RBM11: variants seen among roughly 807,000 people sequenced by gnomAD.
RBM11 encodes splicing regulator RBM11.
A neutral mutation model predicts 21.4 loss-of-function variants in RBM11; 18 were observed. The ratio of observed to expected loss-of-function variants is 0.84; its 90% CI spans 0.58 to 1.25. RBM11 has a LOEUF of 1.25. Ranked by LOEUF, RBM11 falls within the 50% of genes most tolerant of loss-of-function variation. The pLI, the probability that RBM11 is intolerant of heterozygous loss-of-function variation, is 0.00. For synonymous variants in RBM11, 120 were observed against 116.3 expected, an observed-to-expected ratio of 1.03 and a Z score of -0.20; for missense variants, 294 against 331.9, an observed-to-expected ratio of 0.89 and a Z score of 0.89.
chr21:14,217,162 A>G (rs781719823), intron 1 of RBM11, among the ~76,000 whole-genome samples: 2 of 152,210 alleles, frequency 1.3e-5, no homozygotes, highest in Non-Finnish European at 2.9e-5. Context: ...GAGCCTGTCA[A>G]TGAATTCCTC....
chr21:14,222,990 G>T (rs925129953), intron 3 of RBM11, among the ~76,000 whole-genome samples: 2 of 152,140 alleles, frequency 1.3e-5, no homozygotes, highest in Non-Finnish European at 2.9e-5. Context: ...AGTGGGAAAA[G>T]GTATCTCTTC....
In RBM11 at chr21:14,219,744, T is replaced by A. The variant is rs766497979; in HGVS notation, c.259+19T>A. On this transcript the variant is annotated intron_variant, in intron 2 of 4. Transcript: ENST00000400577. The stretch of plus-strand genomic sequence containing the variant: ...CGATTTGGTAGGTCCTGTCACTGAT[T>A]AATCTTCAAAGTGTTTTGTGGTTGG... 9.1e-6 allele frequency: 14 copies of A among 1,543,782 alleles called. No homozygotes were observed. Among genetic ancestry groups the A allele is most frequent in the South Asian group, 3.7e-5 (3 of 81,860 alleles).
intron 4 of RBM11, among the ~76,000 whole-genome samples, chr21:14,226,180 TGAA>T: frequency 6.6e-6 from 1 of 152,232 alleles, no homozygotes; most frequent in Non-Finnish European, 1.5e-5. Flanking sequence ...AGACTTCACT[TGAA>T]GAAAAAGTAA....
Position 14,221,147 on chromosome 21 carries a change from A to G in RBM11, c.310A>G (p.Lys104Glu), listed in dbSNP as rs376706318. The change falls in exon 3 of 5, where the codon AAG becomes GAG. Residue 104 changes from lysine (K) to glutamate (E), a missense_variant. Transcript: ENST00000400577. ...TAACCAAAGTTTTGAGAGCTGTGTT[A>G]AGATAAATTCACACAACTACAGGTA... ...PANQSFESCV[K>E]INSHNYRNEE... 69 of 1,573,558 alleles carry G rather than the reference A, an allele frequency of 4.4e-5. No individual in the cohort carries two copies. Among genetic ancestry groups the G allele is most frequent in the Non-Finnish European group, 5.7e-5 (66 of 1,158,464 alleles).
At chr21:14,223,253 T>A (rs776095719) in intron 3 of RBM11, among the ~76,000 whole-genome samples, 5 of 152,224 alleles carry the variant, frequency 3.3e-5, no homozygotes, top group Non-Finnish European at 4.4e-5. Flanking sequence ...AAATGGGTTA[T>A]CATGTCCCCA....
At chr21:14,224,803 T>C (rs2123408151) in intron 4 of RBM11, among the ~76,000 whole-genome samples, 1 of 152,226 alleles carries the variant, frequency 6.6e-6, no homozygotes, top group Non-Finnish European at 1.5e-5. Flanking sequence ...AGTAGAGAGT[T>C]CTAATGTAAA....
chr21:14,222,101 CTTT>C, intron 3 of RBM11, among the ~76,000 whole-genome samples: 1 of 151,810 alleles, frequency 6.6e-6, no homozygotes, highest in South Asian at 2.1e-4. Context: ...TGCATTTCTT[CTTT>C]TTTTTAATGT....
chr21:14,221,173 AT>A lies in RBM11; in HGVS notation c.332+8del. On this transcript the variant is annotated splice_donor_5th_base_variant and intron_variant, in intron 3 of 4. Transcript: ENST00000400577. ...AGATAAATTCACACAACTACAGGTA[AT>A]TTTAAAAATATTTCTCATCAAAGGT... is the stretch of plus-strand genomic sequence containing the variant. 1 of 1,547,222 alleles carries A rather than the reference AT, an allele frequency of 6.5e-7. No homozygotes were observed. Among genetic ancestry groups the A allele is most frequent in the Non-Finnish European group, 8.7e-7 (1 of 1,147,156 alleles).
At chr21:14,216,349 G>A in intron 1 of RBM11, 67 bp downstream of exon 1, 2 of 1,359,182 alleles carry the variant, frequency 1.5e-6, no homozygotes. Context: ...GCGCGCACCT[G>A]GACCACCCGG....
rs562635841 is a variant in RBM11 at position 14,217,247 on chromosome 21, C to T, written c.96+965C>T. ...ATAATGTGGCTATCGGAATATGTGG[C>T]CTAATGGTAAAATGGCTACAGCTGA... On this transcript the variant is annotated intron_variant, in intron 1 of 4. Coordinates refer to ENST00000400577, the MANE Select transcript of RBM11 (RefSeq NM_144770.5). 6.6e-5 allele frequency among the ~76,000 whole-genome samples: 10 copies of T among 152,180 alleles called. No individual in the cohort carries two copies. The South Asian group carries it at 2.1e-3, about 32-fold the overall frequency.
chr21:14,225,921 C>T (rs2822441), intron 4 of RBM11, among the ~76,000 whole-genome samples: 81,826 of 151,708 alleles, frequency 0.54, 22,470 homozygotes, highest in South Asian at 0.65. Flanking sequence ...CAATTTGCCA[C>T]ATATGCACCT....
chr21:14,225,446 C>T (rs454363), intron 4 of RBM11, among the ~76,000 whole-genome samples: 2,483 of 152,112 alleles, frequency 0.016, 34 homozygotes, highest in Non-Finnish European at 0.025. Flanking sequence ...TTTAATTCCT[C>T]ATAAATAAGA....
chr21:14,223,312 C>T (rs1216060011), intron 3 of RBM11, among the ~76,000 whole-genome samples: 3 of 152,180 alleles, frequency 2.0e-5, no homozygotes, highest in African/African-American at 7.2e-5. Flanking sequence ...CTAGTCTTTG[C>T]TCTCCCTTGG....
intron 2 of RBM11, 76 bp downstream of exon 2, chr21:14,219,801 C>A: frequency 7.6e-7 from 1 of 1,322,958 alleles, no homozygotes; most frequent in Non-Finnish European, 1.0e-6. Context: ...CAATTTGTTT[C>A]CTATGTAGTA....
chr21:14,216,606 T>C lies in RBM11; in HGVS notation c.96+324T>C, dbSNP rs374499389. ...AGAACCGAAAACAGCCTGGTCACTG[T>C]TCTCCGTCAAGTAGTAAGCACGCCT... On this transcript the variant is annotated intron_variant, in intron 1 of 4. Coordinates refer to ENST00000400577, the MANE Select transcript of RBM11 (RefSeq NM_144770.5). 8.5e-5 allele frequency among the ~76,000 whole-genome samples: 13 copies of C among 152,146 alleles called. No homozygotes were observed. The East Asian group carries it at 1.4e-3, about 16-fold the overall frequency.
chr21:14,226,730 C>T (rs1979121059), intron 4 of RBM11, 150 bp from the exon 5 acceptor site: 2 of 1,045,910 alleles, frequency 1.9e-6, no homozygotes, highest in East Asian at 2.6e-5. Flanking sequence ...AATGAAACAC[C>T]TACCTTTCTA....
Position 14,224,567 on chromosome 21 carries a change from A to T in RBM11, c.432+30A>T, listed in dbSNP as rs373591295. The T allele has an allele frequency of 2.2e-4, 331 of 1,526,524 alleles. 1 individual carries two copies. In the African/African-American group the frequency reaches 4.1e-3, roughly 19 times the overall value. 94.6% of individuals were successfully genotyped at this position (1,526,524 alleles called of 1,614,324 possible). A position where few individuals can be genotyped will look rare whatever the true frequency, so the allele number is the denominator to read the frequency against. ...GTTTAATATGCATTTTATTTAGTAT[A>T]TAATATGATACAAACTATGAAGAAC... On this transcript the variant is annotated intron_variant, in intron 4 of 4. Transcript: ENST00000400577.
chr21:14,226,056 AT>A, intron 4 of RBM11, among the ~76,000 whole-genome samples: 1 of 152,150 alleles, frequency 6.6e-6, no homozygotes, highest in South Asian at 2.1e-4. Context: ...ATGTGAGTAT[AT>A]TTTTTTCAAC....
At chr21:14,226,121 C>T (rs1002967726) in intron 4 of RBM11, among the ~76,000 whole-genome samples, 1 of 151,706 alleles carries the variant, frequency 6.6e-6, no homozygotes, top group Non-Finnish European at 1.5e-5. Context: ...AAAAATTTAG[C>T]ATTCAGATTG....
Sources: allele counts gnomAD v4.1 joint callset (sites outside exome capture counted in the v4.1 genomes callset), GRCh38; gene constraint gnomAD v4.1.1; transcripts MANE v1.5; gene names NCBI Gene and HGNC (gene_info 2026-07-23, HGNC 2026-07-21).